ODR4: variants seen among roughly 807,000 people sequenced by gnomAD.
ODR4 encodes odr-4 GPCR localization factor homolog, also known as protein odr-4 homolog.
ODR4 carries 47 observed loss-of-function variants against 60.2 expected under a neutral mutation model. That is an observed-to-expected ratio of 0.78 (90% CI 0.62 to 1.00). ODR4 has a LOEUF of 1.00. ODR4 is among the 50% of genes least tolerant of loss of function. The pLI, the probability that ODR4 is intolerant of heterozygous loss-of-function variation, is 0.00. For synonymous variants in ODR4, 178 were observed against 175.5 expected (o/e 1.01, Z -0.11); for missense variants, 488 against 530.8 (o/e 0.92, Z 0.79).
At chr1:186,380,709 T>A (rs770785578) in intron 2 of ODR4, among the ~76,000 whole-genome samples, 1 of 152,188 alleles carries the variant, frequency 6.6e-6, no homozygotes, top group Non-Finnish European at 1.5e-5. Context: ...CAATTTTCTT[T>A]CTAGATATCT....
At chr1:186,418,905 G>GT (rs1661686435) in intron 13 of ODR4, 104 bp from the exon 14 acceptor site, 4 of 894,366 alleles carry the variant, frequency 4.5e-6, no homozygotes, top group Non-Finnish European at 7.2e-6. Context: ...TTTGTGTATT[G>GT]TTTTTTAGGC....
rs531521128 is a variant in ODR4 at position 186,385,979 on chromosome 1, T to C, written c.235-9T>C. 18 of 1,525,532 alleles carry C rather than the reference T, an allele frequency of 1.2e-5. No homozygotes were observed. In the South Asian group the frequency reaches 2.0e-4, roughly 17 times the overall value. The allele number at this position is 1,525,532 out of a possible 1,614,324, so 94.5% of individuals were successfully genotyped here. A position where few individuals can be genotyped will look rare whatever the true frequency, so the allele number is the denominator to read the frequency against. On this transcript the variant is annotated splice_polypyrimidine_tract_variant and intron_variant, in intron 3 of 13. Coordinates refer to ENST00000287859, the MANE Select transcript of ODR4 (RefSeq NM_017847.6). ...AATTTGTTAGCTAATAATATATTTC[T>C]ATTTTTAGGTATCCAGAATGCTACC...
intron 11 of ODR4, among the ~76,000 whole-genome samples, chr1:186,402,638 T>C (rs1558085753): frequency 6.6e-6 from 1 of 150,788 alleles, no homozygotes. Flanking sequence ...GTCCTGTGGC[T>C]GTGCACAGGT....
chr1:186,425,949 A>G (rs986653242), downstream of ODR4, among the ~76,000 whole-genome samples: 58 of 152,308 alleles, frequency 3.8e-4, 1 homozygote, highest in Non-Finnish European at 2.9e-4. Flanking sequence ...CTGTTTGATG[A>G]TAGGCAGCTA....
intron 12 of ODR4, among the ~76,000 whole-genome samples, chr1:186,415,099 A>G (rs1035395826): frequency 6.0e-5 from 9 of 149,948 alleles, no homozygotes; most frequent in African/African-American, 1.2e-4. Flanking sequence ...AGAAAAAAAA[A>G]GGGGGGAGGG....
chr1:186,418,592 G>A (rs1206546933), intron 13 of ODR4, among the ~76,000 whole-genome samples: 1 of 152,166 alleles, frequency 6.6e-6, no homozygotes, highest in Non-Finnish European at 1.5e-5. Flanking sequence ...GCAGTTTTCA[G>A]TAGCTACACA....
downstream of ODR4, among the ~76,000 whole-genome samples, chr1:186,422,141 TA>T (rs968924284): frequency 1.3e-4 from 19 of 150,730 alleles, no homozygotes; most frequent in East Asian, 1.2e-3. Context: ...AGGTTGAAAG[TA>T]AAAAAAAAAT....
At position 186,406,210 on chromosome 1, in the gene ODR4, G is replaced by A; in HGVS notation, c.1128G>A (p.Glu376=). Residue 376 remains glutamate, a synonymous_variant, in exon 12 of 14, where the codon GAG becomes GAA. Transcript: ENST00000287859. The part of the protein sequence containing the change: ...SAEEIRDHFM[E]MLDHTIQIED... ...AAGAAATCAGGGACCATTTTATGGAGATGTTGGATCACACAATTCAAATAG... is the reference window on the plus strand; with the variant it reads ...AAGAAATCAGGGACCATTTTATGGAAATGTTGGATCACACAATTCAAATAG... The A allele has an allele frequency of 6.2e-7, 1 of 1,611,208 alleles. No individual in the cohort carries two copies. The highest frequency in any genetic ancestry group is 1.1e-5 in the South Asian group (1 of 90,568).
At chr1:186,400,743 G>A in intron 11 of ODR4, 1 of 266,368 alleles carries the variant, frequency 3.8e-6, no homozygotes. Flanking sequence ...TCTATGATTG[G>A]CAGATTTAAC....
chr1:186,433,465 T>C, the ODR4 span, among the ~76,000 whole-genome samples: 1 of 152,150 alleles, frequency 6.6e-6, no homozygotes, highest in Non-Finnish European at 1.5e-5. Context: ...TCCTAAAGAG[T>C]AATTTGTCTT....
At chr1:186,376,633 T>TA (rs2102004218) in intron 1 of ODR4, among the ~76,000 whole-genome samples, 1 of 152,328 alleles carries the variant, frequency 6.6e-6, no homozygotes, top group African/African-American at 2.4e-5. Flanking sequence ...TATTTTGTAA[T>TA]AACTAAGGAA....
intron 1 of ODR4, among the ~76,000 whole-genome samples, chr1:186,377,294 A>AGAT (rs1372346500): frequency 3.9e-5 from 6 of 152,246 alleles, no homozygotes; most frequent in African/African-American, 1.4e-4. Flanking sequence ...TGGAAACCAC[A>AGAT]GATGTGGAAA....
intron 12 of ODR4, among the ~76,000 whole-genome samples, chr1:186,414,033 G>A (rs1571700715): frequency 6.6e-6 from 1 of 152,092 alleles, no homozygotes; most frequent in African/African-American, 2.4e-5. Flanking sequence ...TTGAATCACT[G>A]TGTTATTTGC....
At chr1:186,430,858 C>CTT in the ODR4 span, among the ~76,000 whole-genome samples, 1 of 144,482 alleles carries the variant, frequency 6.9e-6, no homozygotes, top group Non-Finnish European at 1.5e-5. Flanking sequence ...CCCTCCCTCC[C>CTT]TTTTTTTTTT....
chr1:186,401,190 T>C, intron 11 of ODR4: 2 of 1,576,102 alleles, frequency 1.3e-6, no homozygotes, highest in Non-Finnish European at 1.7e-6. Flanking sequence ...AAATTTTTGC[T>C]GATGTTCAAT....
intron 3 of ODR4, among the ~76,000 whole-genome samples, chr1:186,384,699 T>A (rs1660185386): frequency 6.6e-6 from 1 of 152,056 alleles, no homozygotes; most frequent in Admixed American, 6.6e-5. Flanking sequence ...TGCTCTCACC[T>A]CCATCTCCTA....
chr1:186,393,844 TG>T, intron 8 of ODR4, 102 bp from the exon 9 acceptor site: 1 of 651,712 alleles, frequency 1.5e-6, no homozygotes, highest in South Asian at 1.9e-5. Flanking sequence ...TTAAAAGACT[TG>T]TTTTTTTCTA....
At chr1:186,396,665 A>C (rs767254634) in intron 9 of ODR4, among the ~76,000 whole-genome samples, 1 of 151,626 alleles carries the variant, frequency 6.6e-6, no homozygotes, top group Non-Finnish European at 1.5e-5. Flanking sequence ...TTTCTTTAAT[A>C]TGTGTGTGTA....
intron 11 of ODR4, among the ~76,000 whole-genome samples, chr1:186,399,409 A>G (rs970954558): frequency 6.6e-6 from 1 of 151,966 alleles, no homozygotes; most frequent in African/African-American, 2.4e-5. Context: ...GGGTTTTGCC[A>G]TGTTGCCCAG....
Sources: gnomAD v4.1 joint callset for allele counts (sites outside exome capture counted in the v4.1 genomes callset) on GRCh38, gnomAD v4.1.1 for gene constraint, MANE v1.5 for transcripts, NCBI Gene and HGNC (gene_info 2026-07-23, HGNC 2026-07-21) for gene names.